LHPP: variants seen among roughly 807,000 people sequenced by gnomAD.
LHPP encodes hLHPP.
In LHPP, 24 loss-of-function variants were observed where a neutral mutation model predicts 30.3. The observed-to-expected ratio is 0.79, with a 90% confidence interval of 0.57 to 1.11. LHPP has a LOEUF of 1.11. Among genes scored for constraint, LHPP ranks in the 50% most tolerant of loss-of-function variants. LHPP has a pLI of 0.00. For synonymous variants in LHPP, 150 were observed against 157.1 expected (o/e 0.95, Z 0.34); for missense variants, 356 against 367.2 (o/e 0.97, Z 0.25).
At chr10:124,555,525 C>T (rs930924967) in intron 6 of LHPP, among the ~76,000 whole-genome samples, 25 of 151,704 alleles carry the variant, frequency 1.6e-4, no homozygotes, top group Non-Finnish European at 3.4e-4. Flanking sequence ...CCTGGACCCT[C>T]CCACAGCCTG....
rs1236894797 is a variant in LHPP at position 124,596,465 on chromosome 10, C to G, written c.717-16799C>G. On this transcript the variant is annotated intron_variant, in intron 6 of 6. Coordinates refer to ENST00000368842, the MANE Select transcript of LHPP (RefSeq NM_022126.4). This position sits in a 1 kb window ranked among gnomAD's most constrained non-coding sequence, Gnocchi z 4.6. ...CATTCAGGTGGACGTGGAGCGGTGT[C>G]ATTTCCTTCCTGAGGGGCCTGCATG... Among the ~76,000 whole-genome samples, 2 of 152,136 alleles carry G rather than the reference C, an allele frequency of 1.3e-5. No individual in the cohort carries two copies. The highest frequency in any genetic ancestry group is 2.9e-5 in the Non-Finnish European group (2 of 68,016).
intron 1 of LHPP, among the ~76,000 whole-genome samples, chr10:124,467,073 A>G (rs1023837330): frequency 5.9e-5 from 9 of 151,796 alleles, no homozygotes; most frequent in African/African-American, 9.7e-5. Flanking sequence ...GCCGTGAGCT[A>G]TGAATGTGCT....
At chr10:124,585,722 C>G (rs1452390614) in intron 6 of LHPP, among the ~76,000 whole-genome samples, 1 of 152,122 alleles carries the variant, frequency 6.6e-6, no homozygotes, top group Admixed American at 6.5e-5. Flanking sequence ...CCTCAGCCTC[C>G]CGAGCAGCAA....
chr10:124,496,922 C>T lies in LHPP; in HGVS notation c.468-39C>T, dbSNP rs746654916. On this transcript the variant is annotated intron_variant, in intron 3 of 6. Coordinates refer to ENST00000368842, the MANE Select transcript of LHPP (RefSeq NM_022126.4). This position sits in a 1 kb window ranked among gnomAD's most constrained non-coding sequence, Gnocchi z 4.3. ...ACTTAGCATCCTGCGGTCAGCTCCC[C>T]GTGCTCAGCATCCCGTGCTCCGTTC... 11 of 1,583,158 alleles carry T rather than the reference C, an allele frequency of 6.9e-6. No homozygotes were observed. The highest frequency in any genetic ancestry group is 1.7e-4 in the Middle Eastern group (1 of 5,908).
chr10:124,535,957 G>A (rs1476403258), intron 6 of LHPP, among the ~76,000 whole-genome samples: 1 of 152,264 alleles, frequency 6.6e-6, no homozygotes, highest in Non-Finnish European at 1.5e-5. Flanking sequence ...TTCAGCCAGA[G>A]AAGCTCTCAT....
intron 3 of LHPP, among the ~76,000 whole-genome samples, chr10:124,491,644 G>T (rs1264672388): frequency 1.3e-5 from 2 of 152,234 alleles, no homozygotes; most frequent in Non-Finnish European, 2.9e-5. Context: ...TTAAATGTGG[G>T]CTGGGGACAG....
intron 6 of LHPP, among the ~76,000 whole-genome samples, chr10:124,563,255 A>G (rs985773107): frequency 2.0e-5 from 3 of 151,720 alleles, no homozygotes; most frequent in African/African-American, 7.3e-5. Context: ...GAGGAACTAC[A>G]TCCATGTCAT....
intron 6 of LHPP, among the ~76,000 whole-genome samples, chr10:124,560,870 G>A (rs981365349): frequency 1.3e-5 from 2 of 152,216 alleles, no homozygotes; most frequent in South Asian, 2.1e-4. Flanking sequence ...AATCAAAACC[G>A]TGAAGAGCAT....
At chr10:124,471,473 T>A (rs867355876) in intron 1 of LHPP, among the ~76,000 whole-genome samples, 6 of 1,926 alleles carry the variant, frequency 3.1e-3, no homozygotes, top group African/African-American at 3.9e-3. Context: ...ATTTATATAT[T>A]ATATATATTT....
chr10:124,498,661 T>A, intron 5 of LHPP: 29 of 70,998 alleles, frequency 4.1e-4, no homozygotes, highest in Middle Eastern at 4.5e-3. Context: ...TTTCTTTTTC[T>A]TTTTTTTTTT....
chr10:124,490,175 C>T (rs559285789), intron 3 of LHPP: 6 of 177,422 alleles, frequency 3.4e-5, no homozygotes, highest in Non-Finnish European at 7.0e-5. Flanking sequence ...GGTGTCTCTC[C>T]TCGTCTGTGG....
intron 6 of LHPP, among the ~76,000 whole-genome samples, chr10:124,557,486 G>A (rs921922299): frequency 2.0e-5 from 3 of 152,212 alleles, no homozygotes; most frequent in Admixed American, 6.5e-5. Flanking sequence ...TTTGGAGTGG[G>A]AGTCACCGTA....
At chr10:124,490,601 T>C (rs1422221511) in intron 3 of LHPP, 2 of 236,894 alleles carry the variant, frequency 8.4e-6, no homozygotes, top group Non-Finnish European at 9.1e-6. Flanking sequence ...AGGGTCCAGG[T>C]CCGGGGCTGG....
intron 6 of LHPP, among the ~76,000 whole-genome samples, chr10:124,518,735 T>C (rs1288129867): frequency 6.6e-6 from 1 of 152,202 alleles, no homozygotes; most frequent in Non-Finnish European, 1.5e-5. Context: ...CCAGGCCAGG[T>C]GCCCCTATAA....
intron 6 of LHPP, among the ~76,000 whole-genome samples, chr10:124,559,077 C>T (rs1318774360): frequency 1.3e-5 from 2 of 152,172 alleles, no homozygotes; most frequent in Non-Finnish European, 2.9e-5. Context: ...GGTTACCATG[C>T]ACAAGGGCCA....
intron 5 of LHPP, among the ~76,000 whole-genome samples, chr10:124,501,034 T>C (rs931994002): frequency 2.0e-5 from 3 of 151,870 alleles, no homozygotes; most frequent in African/African-American, 4.9e-5. Flanking sequence ...GATAACCAAA[T>C]GTGGTATGTC....
chr10:124,517,959 C>T lies in LHPP; in HGVS notation c.716+688C>T, dbSNP rs1005070384. ...CGATTGTGGCCATTCAGAGAAAGTA[C>T]ATCTTTGCAGATGCTGGGGAGACTT... On this transcript the variant is annotated intron_variant, in intron 6 of 6. Transcript: ENST00000368842. The surrounding 1 kb of genome is among the most constrained non-coding windows in gnomAD (Gnocchi z 4.1). Among the ~76,000 whole-genome samples, 3 of 152,212 alleles carry T rather than the reference C, an allele frequency of 2.0e-5. No individual in the cohort carries two copies. Among genetic ancestry groups the T allele is most frequent in the Non-Finnish European group, 2.9e-5 (2 of 68,040 alleles).
rs778887755 is a variant in LHPP at position 124,535,848 on chromosome 10, C to T, written c.716+18577C>T. Among the ~76,000 whole-genome samples, 50 of 152,242 alleles carry T rather than the reference C, an allele frequency of 3.3e-4. 1 individual carries two copies. The highest frequency in any genetic ancestry group is 5.9e-4 in the Non-Finnish European group (40 of 68,042). On this transcript the variant is annotated intron_variant, in intron 6 of 6. Coordinates refer to ENST00000368842, the MANE Select transcript of LHPP (RefSeq NM_022126.4). Reference sequence around the variant, plus strand: ...TGCCACAGGGCTGCAAGAGCAGCTGCTTCAGGCTCCTCAGGCCGTGGGCCC... The same window carrying T: ...TGCCACAGGGCTGCAAGAGCAGCTGTTTCAGGCTCCTCAGGCCGTGGGCCC...
At chr10:124,594,628 C>CTT (rs60757373) in intron 6 of LHPP, among the ~76,000 whole-genome samples, 112 of 143,750 alleles carry the variant, frequency 7.8e-4, no homozygotes, top group East Asian at 1.6e-3. Flanking sequence ...ATTCAGTAAA[C>CTT]TTTTTTTTTT....
Sources: gnomAD v4.1 joint callset for allele counts (sites outside exome capture counted in the v4.1 genomes callset) on GRCh38, gnomAD v4.1.1 for gene constraint, Gnocchi (gnomAD v3.1) non-coding constraint, MANE v1.5 for transcripts, NCBI Gene and HGNC (gene_info 2026-07-23, HGNC 2026-07-21) for gene names.